ZNF391: variants seen among roughly 807,000 people sequenced by gnomAD.
ZNF391 encodes the protein zinc finger protein 391.
For synonymous variants in ZNF391, 126 were observed against 142.1 expected, an observed-to-expected ratio of 0.89 and a Z score of 0.80; for missense variants, 375 against 425.5, an observed-to-expected ratio of 0.88 and a Z score of 1.04.
rs1288655184 is a variant in ZNF391 at position 27,378,896 on chromosome 6, T to C, written n.523+3759T>C. ...GTGAGCTATAACTGTGCCACTGCAC[T>C]CTAGCCTGGGTGACAAGAGCACAAC... On this transcript the variant is annotated intron_variant and non_coding_transcript_variant, in intron 1 of 2. Coordinates refer to the ZNF391 transcript ENST00000477999. 3.3e-5 allele frequency among the ~76,000 whole-genome samples: 5 copies of C among 151,416 alleles called. No homozygotes were observed. In the East Asian group the frequency reaches 9.7e-4, roughly 29 times the overall value.
chr6:27,376,384 G>A lies in ZNF391; in HGVS notation n.523+1247G>A, dbSNP rs1415936720. ...ATATTCTTAATTGCTGTAGAAACAG[G>A]CCCAAGATGTTATTAAAGTTTCACA... is the stretch of plus-strand genomic sequence containing the variant. On this transcript the variant is annotated intron_variant and non_coding_transcript_variant, in intron 1 of 2. Transcript: ENST00000477999. The surrounding 1 kb of genome is among the most constrained non-coding windows in gnomAD (Gnocchi z 4.7). Among the ~76,000 whole-genome samples the A allele has an allele frequency of 1.3e-5, 2 of 152,148 alleles. No individual in the cohort carries two copies. Among genetic ancestry groups the A allele is most frequent in the African/African-American group, 4.8e-5 (2 of 41,428 alleles).
At chr6:27,385,333 A>C (rs1761570880), upstream of ZNF391, among the ~76,000 whole-genome samples, 1 of 152,188 alleles carries the variant, frequency 6.6e-6, no homozygotes, top group African/African-American at 2.4e-5. Flanking sequence ...TTTCAACATC[A>C]GTGGTCTAAA....
At chr6:27,397,399 C>T (rs1761851045) in intron 1 of ZNF391, among the ~76,000 whole-genome samples, 1 of 152,188 alleles carries the variant, frequency 6.6e-6, no homozygotes, top group African/African-American at 2.4e-5. Context: ...ATGATCCAAC[C>T]ATCTCCCACC....
chr6:27,375,164 C>T (rs1320425738), intron 1 of ZNF391: 1 of 152,288 alleles, frequency 6.6e-6, no homozygotes, highest in Non-Finnish European at 1.5e-5. Context: ...ACACTCAGCG[C>T]GCGGAGGAGC....
chr6:27,386,642 C>A (rs1476226612), upstream of ZNF391, among the ~76,000 whole-genome samples: 1 of 152,060 alleles, frequency 6.6e-6, no homozygotes, highest in Non-Finnish European at 1.5e-5. Flanking sequence ...AGTGCCAAGA[C>A]CATTCAATGG....
At chr6:27,384,463 C>CAA (rs149396774), upstream of ZNF391, among the ~76,000 whole-genome samples, 79 of 121,354 alleles carry the variant, frequency 6.5e-4, no homozygotes, top group Middle Eastern at 4.3e-3. Flanking sequence ...GACTCTATCT[C>CAA]AAAAAAAAAA....
At chr6:27,383,069 G>A (rs983268892) in intron 1 of ZNF391, among the ~76,000 whole-genome samples, 16 of 152,090 alleles carry the variant, frequency 1.1e-4, no homozygotes, top group African/African-American at 3.6e-4. Flanking sequence ...GCACCGAGCC[G>A]AGATTGTGCC....
chr6:27,397,077 C>T (rs116581112), intron 1 of ZNF391, among the ~76,000 whole-genome samples: 19 of 152,286 alleles, frequency 1.2e-4, no homozygotes, highest in African/African-American at 4.6e-4. Context: ...GCCATTCTTG[C>T]ATTGCTATGG....
At chr6:27,385,469 C>T (rs570228304), upstream of ZNF391, among the ~76,000 whole-genome samples, 2 of 152,156 alleles carry the variant, frequency 1.3e-5, no homozygotes, top group Admixed American at 1.3e-4. Flanking sequence ...TAACACTAAT[C>T]AAAAGAAAGC....
chr6:27,386,597 C>T (rs1012550114), upstream of ZNF391, among the ~76,000 whole-genome samples: 2 of 152,006 alleles, frequency 1.3e-5, no homozygotes, highest in Non-Finnish European at 2.9e-5. Flanking sequence ...CAGAAATAAA[C>T]CTCACATATA....
intron 1 of ZNF391, among the ~76,000 whole-genome samples, chr6:27,395,984 C>T (rs950037338): frequency 2.0e-5 from 3 of 152,130 alleles, no homozygotes; most frequent in Non-Finnish European, 2.9e-5. Flanking sequence ...CTGTTGGGGA[C>T]AAGAACTTTT....
intron 1 of ZNF391, among the ~76,000 whole-genome samples, chr6:27,394,116 G>A (rs1761772192): frequency 6.6e-6 from 1 of 152,220 alleles, no homozygotes. Context: ...AGCAGGCCAT[G>A]GAGCAACCAC....
chr6:27,386,818 T>A (rs1425366608), upstream of ZNF391, among the ~76,000 whole-genome samples: 3 of 152,088 alleles, frequency 2.0e-5, no homozygotes, highest in African/African-American at 4.8e-5. Flanking sequence ...AACATAAAAA[T>A]CTTTATTAGA....
At chr6:27,392,075 G>C (rs1761726057) in intron 1 of ZNF391, among the ~76,000 whole-genome samples, 1 of 152,144 alleles carries the variant, frequency 6.6e-6, no homozygotes, top group Non-Finnish European at 1.5e-5. Flanking sequence ...TCATTTTGCA[G>C]GTGAGGAGAC....
chr6:27,380,306 T>C (rs1315953295), intron 1 of ZNF391, among the ~76,000 whole-genome samples: 1 of 151,408 alleles, frequency 6.6e-6, no homozygotes, highest in Non-Finnish European at 1.5e-5. Flanking sequence ...GGGAGTTTCC[T>C]CCTTCTAGTG....
upstream of ZNF391, among the ~76,000 whole-genome samples, chr6:27,386,413 T>C (rs142581328): frequency 0.019 from 2,871 of 152,172 alleles, 39 homozygotes; most frequent in South Asian, 0.04. Flanking sequence ...ATCCTAAAAT[T>C]CACATGGAAA....
At chr6:27,389,822 A>G (rs1444087149) in intron 1 of ZNF391, among the ~76,000 whole-genome samples, 1 of 47,558 alleles carries the variant, frequency 2.1e-5, no homozygotes, top group African/African-American at 6.8e-5. Context: ...CCCAAAAAAG[A>G]GAAGTACTTG....
chr6:27,381,655 C>T (rs1226465033), intron 1 of ZNF391, among the ~76,000 whole-genome samples: 1 of 152,172 alleles, frequency 6.6e-6, no homozygotes, highest in African/African-American at 2.4e-5. Context: ...GGGAGGATTG[C>T]TTGACCCAGG....
chr6:27,400,125 C>T (rs1205649741), intron 2 of ZNF391, among the ~76,000 whole-genome samples, 168 bp from the exon 3 acceptor site: 2 of 152,174 alleles, frequency 1.3e-5, no homozygotes, highest in Non-Finnish European at 2.9e-5. Context: ...AAAATTCTGC[C>T]TGTTATCTCT....
Sources: gnomAD v4.1 joint callset for allele counts (sites outside exome capture counted in the v4.1 genomes callset) on GRCh38, gnomAD v4.1.1 for gene constraint, Gnocchi (gnomAD v3.1) non-coding constraint, MANE v1.5 for transcripts, NCBI Gene and HGNC (gene_info 2026-07-23, HGNC 2026-07-21) for gene names.